The following RIPOR2 variants were observed in gnomAD, a reference collection of about 807,000 sequenced individuals.
The protein encoded by RIPOR2 is rho family-interacting cell polarization regulator 2.
RIPOR2 carries 39 observed loss-of-function variants against 114.5 expected under a neutral mutation model. The observed-to-expected ratio is 0.34, with a 90% CI of 0.26 to 0.44. RIPOR2 has a LOEUF of 0.44. Ranked by LOEUF, RIPOR2 falls within the 20% of genes least tolerant of loss-of-function variation. The probability of loss-of-function intolerance (pLI) is 1.00; values close to 1 mark genes in which losing one functional copy is unlikely to be tolerated. For synonymous variants in RIPOR2, 445 were observed against 484.4 expected, an observed-to-expected ratio of 0.92 and a Z score of 1.07; for missense variants, 1,007 against 1,255.1, an observed-to-expected ratio of 0.80 and a Z score of 2.99.
upstream of RIPOR2, among the ~76,000 whole-genome samples, chr6:24,939,115 A>G (rs1372854345): frequency 1.3e-5 from 2 of 152,150 alleles, no homozygotes; most frequent in African/African-American, 2.4e-5. Context: ...TATATTTATT[A>G]TCTCTATTTT....
intron 1 of RIPOR2, among the ~76,000 whole-genome samples, chr6:24,922,785 A>G (rs1770589838): frequency 6.8e-6 from 1 of 147,642 alleles, no homozygotes; most frequent in Non-Finnish European, 1.5e-5. Context: ...TGCTTGAACC[A>G]GGGAGGCAGA....
chr6:24,845,217 T>G, intron 12 of RIPOR2, among the ~76,000 whole-genome samples: 1 of 152,202 alleles, frequency 6.6e-6, no homozygotes, highest in East Asian at 1.9e-4. Context: ...ACAATGTTGT[T>G]GGTGTGGTGG....
intron 20 of RIPOR2, among the ~76,000 whole-genome samples, chr6:24,811,330 T>C (rs1358012656): frequency 1.4e-5 from 2 of 146,278 alleles, no homozygotes; most frequent in East Asian, 4.1e-4. Flanking sequence ...GTCTCCTGGA[T>C]TCAAGCGATT....
chr6:24,866,989 A>G (rs1764673605), intron 6 of RIPOR2, among the ~76,000 whole-genome samples: 1 of 152,242 alleles, frequency 6.6e-6, no homozygotes. Context: ...AAGCATTACT[A>G]TAACCTGTTT....
At chr6:25,004,189 C>G (rs1581938824) in intron 1 of RIPOR2, among the ~76,000 whole-genome samples, 2 of 152,190 alleles carry the variant, frequency 1.3e-5, no homozygotes, top group East Asian at 3.9e-4. Flanking sequence ...TACCTAACAA[C>G]CACAATGATA....
At chr6:25,006,989 G>A (rs1775584159) in intron 1 of RIPOR2, among the ~76,000 whole-genome samples, 2 of 152,188 alleles carry the variant, frequency 1.3e-5, no homozygotes, top group African/African-American at 2.4e-5. Context: ...CCAGTGCCAG[G>A]CTCTGGGAGG....
chr6:24,901,798 G>A (rs1768471933), intron 1 of RIPOR2, among the ~76,000 whole-genome samples: 1 of 152,166 alleles, frequency 6.6e-6, no homozygotes, highest in South Asian at 2.1e-4. Flanking sequence ...GGGGTGGAGA[G>A]CGCCCAGTGA....
chr6:24,918,269 G>A (rs190291504), intron 1 of RIPOR2, among the ~76,000 whole-genome samples: 12 of 152,210 alleles, frequency 7.9e-5, no homozygotes, highest in South Asian at 2.1e-4. Context: ...TGAGGGAGCC[G>A]TCAGCTTCCT....
intron 11 of RIPOR2, among the ~76,000 whole-genome samples, chr6:24,849,601 C>T (rs1302295487): frequency 2.0e-5 from 3 of 152,096 alleles, no homozygotes; most frequent in African/African-American, 7.2e-5. Context: ...AACTTTAACA[C>T]GCGTGCACCT....
chr6:24,823,256 A>T (rs767875000), intron 19 of RIPOR2, among the ~76,000 whole-genome samples: 4 of 152,198 alleles, frequency 2.6e-5, no homozygotes, highest in Non-Finnish European at 5.9e-5. Flanking sequence ...AACTTTTGCT[A>T]TTCCATATAA....
At chr6:24,897,183 A>G (rs1767965805) in intron 1 of RIPOR2, among the ~76,000 whole-genome samples, 1 of 152,268 alleles carries the variant, frequency 6.6e-6, no homozygotes, top group Admixed American at 6.5e-5. Context: ...GGATGAGCAG[A>G]GTTCAGAATG....
Position 24,853,316 on chromosome 6 carries a change from C to G in RIPOR2, c.716-698G>C, listed in dbSNP as rs73729058. 8.0e-3 allele frequency among the ~76,000 whole-genome samples: 1,220 copies of G among 152,348 alleles called. 22 individuals are homozygous for G. Among genetic ancestry groups the G allele is most frequent in the Middle Eastern group, 0.02 (6 of 294 alleles). ...GATCTGCTCGATTCGAGATCTCTCTCTGGTGCAGCAGCAAAAACAAATCTT... is the reference window on the plus strand; with the variant it reads ...GATCTGCTCGATTCGAGATCTCTCTGTGGTGCAGCAGCAAAAACAAATCTT... On this transcript the variant is annotated intron_variant, in intron 8 of 21. Coordinates refer to ENST00000643898, the MANE Select transcript of RIPOR2 (RefSeq NM_001286445.3).
intron 1 of RIPOR2, chr6:24,976,819 T>G (rs949309854): frequency 2.3e-5 from 37 of 1,611,186 alleles, no homozygotes; most frequent in Non-Finnish European, 3.1e-5. Context: ...GTTCCCAGTT[T>G]TTCATCTGCA....
intron 1 of RIPOR2, among the ~76,000 whole-genome samples, chr6:24,968,153 G>A (rs1010671721): frequency 1.3e-5 from 2 of 151,954 alleles, no homozygotes; most frequent in Non-Finnish European, 2.9e-5. Context: ...TGATCTGCCC[G>A]CCTCAGCCTC....
intron 1 of RIPOR2, among the ~76,000 whole-genome samples, chr6:24,985,037 T>A (rs919369544): frequency 5.3e-5 from 8 of 152,246 alleles, no homozygotes; most frequent in Non-Finnish European, 7.3e-5. Context: ...AGCACTGGAC[T>A]TGGGTCCCCT....
At position 24,935,069 on chromosome 6, in the gene RIPOR2, G is replaced by T. The variant is rs542995098; in HGVS notation, c.61+769C>A. Among the ~76,000 whole-genome samples the T allele has an allele frequency of 3.3e-5, 5 of 152,082 alleles. No homozygotes were observed. The South Asian group carries it at 6.2e-4, about 19-fold the overall frequency. On this transcript the variant is annotated intron_variant, in intron 1 of 21. Transcript: ENST00000643898. ...ACGCCTGTAATCCCAGCACTTTGGGGGGCCAAGGAGGGTGGATCACCTGAA... is the reference window on the plus strand; with the variant it reads ...ACGCCTGTAATCCCAGCACTTTGGGTGGCCAAGGAGGGTGGATCACCTGAA...
chr6:24,900,653 G>C (rs1768350920), intron 1 of RIPOR2, among the ~76,000 whole-genome samples: 2 of 152,276 alleles, frequency 1.3e-5, no homozygotes, highest in South Asian at 2.1e-4. Flanking sequence ...AGCTACTCAG[G>C]AGGCTGAAAT....
intron 1 of RIPOR2, among the ~76,000 whole-genome samples, chr6:24,881,773 G>A (rs2113929338): frequency 6.6e-6 from 1 of 152,276 alleles, no homozygotes; most frequent in Admixed American, 6.5e-5. Flanking sequence ...CAAACACCTG[G>A]TGTCTGTTTA....
rs1554124803 is a variant in RIPOR2 at position 24,958,958 on chromosome 6, C to CTTTTTTTTTTTTTTTTTTT, written c.76+82892_76+82893insAAAAAAAAAAAAAAAAAAA. Among the ~76,000 whole-genome samples, 3 of 123,220 alleles carry CTTTTTTTTTTTTTTTTTTT rather than the reference C, an allele frequency of 2.4e-5. 1 individual carries two copies. The highest frequency in any genetic ancestry group is 1.1e-4 in the African/African-American group (3 of 28,514). 80.8% of individuals were successfully genotyped at this position (123,220 alleles called of 152,430 possible). ...TGCACCACTCCAAGCTCTACATTTT[C>CTTTTTTTTTTTTTTTTTTT]TTTTTTTTTTGGAGACAGGGTCTCA... On this transcript the variant is annotated intron_variant, in intron 1 of 13. Coordinates refer to the RIPOR2 transcript ENST00000510784.
Sources: allele counts gnomAD v4.1 joint callset (sites outside exome capture counted in the v4.1 genomes callset), GRCh38; gene constraint gnomAD v4.1.1; transcripts MANE v1.5; gene names NCBI Gene and HGNC (gene_info 2026-07-23, HGNC 2026-07-21).